The following PCDH9 variants were observed in gnomAD, a reference collection of about 807,000 sequenced individuals.
PCDH9 encodes protocadherin-9.
A neutral mutation model predicts 70.6 loss-of-function variants in PCDH9; 24 were observed. The ratio of observed to expected loss-of-function variants is 0.34; its 90% CI spans 0.25 to 0.48. The LOEUF (loss-of-function observed/expected upper bound fraction) is 0.48. PCDH9 is among the 20% of genes least tolerant of loss of function. The pLI is 0.99. For synonymous variants in PCDH9, 562 were observed against 558.5 expected, an observed-to-expected ratio of 1.01 and a Z score of -0.09; for missense variants, 1,281 against 1,503.6, an observed-to-expected ratio of 0.85 and a Z score of 2.45.
chr13:66,698,089 AG>A (rs1231068152), intron 3 of PCDH9, among the ~76,000 whole-genome samples: 3 of 152,196 alleles, frequency 2.0e-5, no homozygotes, highest in Admixed American at 2.0e-4. Context: ...TCATAGAGAT[AG>A]AAAATAGAAT....
intron 3 of PCDH9, among the ~76,000 whole-genome samples, chr13:66,819,338 C>A (rs1022658921): frequency 1.6e-3 from 215 of 131,906 alleles, no homozygotes; most frequent in Admixed American, 3.4e-3. Context: ...AAAAAAAAAA[C>A]CTTTCAAAAG....
In PCDH9 at chr13:67,227,972, T is replaced by G; in HGVS notation, c.469A>C (p.Ile157Leu). Residue 157 changes from isoleucine (I) to leucine (L), a missense_variant, in exon 2 of 5, where the codon ATC (isoleucine) becomes CTC (leucine). Ile to Leu is a conservative substitution (Grantham distance 5). This residue lies in a region of PCDH9 where 798 missense variants were observed against 1,003.1 expected (regional missense o/e 0.80). Coordinates refer to ENST00000377865, the MANE Select transcript of PCDH9 (RefSeq NM_203487.3). The surrounding 1 kb of genome is among the most constrained non-coding windows in gnomAD (Gnocchi z 4.6). ...INISIPENTLINSRFPIPSAT... is the reference protein window; with the variant it reads ...INISIPENTLLNSRFPIPSAT... ...GATGGAATTGGAAAGCGGCTGTTGA[T>G]CAAAGTGTTTTCTGGAATGGAAATA... 6.2e-7 allele frequency: 1 copy of G among 1,614,142 alleles called. No individual in the cohort carries two copies. The highest frequency in any genetic ancestry group is 8.5e-7 in the Non-Finnish European group (1 of 1,180,022).
intron 4 of PCDH9, among the ~76,000 whole-genome samples, chr13:66,478,570 G>A (rs933353600): frequency 1.3e-5 from 2 of 152,176 alleles, no homozygotes; most frequent in Non-Finnish European, 1.5e-5. Context: ...TTTAAAAACT[G>A]AAACAGGCCT....
intron 2 of PCDH9, among the ~76,000 whole-genome samples, chr13:66,924,335 C>T (rs1033950019): frequency 3.4e-4 from 52 of 151,672 alleles, no homozygotes; most frequent in African/African-American, 1.2e-3. Context: ...TTAAAATATT[C>T]CTATTTTAAA....
At chr13:66,717,480 A>AATATATATATATATATATATAT (rs1169570608) in intron 3 of PCDH9, among the ~76,000 whole-genome samples, 2 of 44,434 alleles carry the variant, frequency 4.5e-5, no homozygotes, top group African/African-American at 1.8e-4. Context: ...AAAAAAAAAA[A>AATATATATATATATATATATAT]ATATATATAT....
intron 3 of PCDH9, among the ~76,000 whole-genome samples, chr13:66,724,202 A>G (rs1326106453): frequency 1.3e-5 from 2 of 152,214 alleles, no homozygotes; most frequent in African/African-American, 4.8e-5. Flanking sequence ...GTCTGTACAC[A>G]ATTCATTTGA....
chr13:66,808,895 T>C (rs763254458), intron 3 of PCDH9, among the ~76,000 whole-genome samples: 2 of 152,180 alleles, frequency 1.3e-5, no homozygotes, highest in Non-Finnish European at 2.9e-5. Flanking sequence ...GTATGTACAT[T>C]ATATTTTGAG....
At chr13:66,451,011 C>T (rs540019258) in intron 4 of PCDH9, among the ~76,000 whole-genome samples, 74 of 152,100 alleles carry the variant, frequency 4.9e-4, no homozygotes, top group African/African-American at 1.5e-3. Context: ...AGCAAGACTC[C>T]GTCTCAAAAA....
chr13:67,192,766 T>C (rs1054853645), intron 2 of PCDH9, among the ~76,000 whole-genome samples: 3 of 152,172 alleles, frequency 2.0e-5, no homozygotes, highest in Admixed American at 6.5e-5. Flanking sequence ...AGAGGGATAG[T>C]CCTTTCTTTA....
chr13:67,026,134 T>C (rs770920592), intron 2 of PCDH9, among the ~76,000 whole-genome samples: 3 of 152,194 alleles, frequency 2.0e-5, no homozygotes, highest in African/African-American at 4.8e-5. Flanking sequence ...TCTGTTTATA[T>C]GCTGGATTAC....
chr13:66,676,537 G>A (rs2078245462), intron 3 of PCDH9, among the ~76,000 whole-genome samples: 1 of 152,096 alleles, frequency 6.6e-6, no homozygotes, highest in East Asian at 1.9e-4. Context: ...AAGTTGTAGA[G>A]AGGCTACAAA....
intron 4 of PCDH9, among the ~76,000 whole-genome samples, chr13:66,472,700 A>G (rs1958643331): frequency 6.6e-6 from 1 of 152,150 alleles, no homozygotes; most frequent in Non-Finnish European, 1.5e-5. Context: ...CATCTTTGAA[A>G]ATCGTTTTTT....
At chr13:66,952,241 T>C (rs1256425298) in intron 2 of PCDH9, among the ~76,000 whole-genome samples, 1 of 152,158 alleles carries the variant, frequency 6.6e-6, no homozygotes, top group Non-Finnish European at 1.5e-5. Context: ...GGGTAGTAAT[T>C]GATACAAGTC....
In PCDH9 at chr13:66,869,904, A is replaced by G. The variant is rs537821354; in HGVS notation, c.3138+33600T>C. Among the ~76,000 whole-genome samples the G allele has an allele frequency of 2.6e-5, 4 of 152,290 alleles. No homozygotes were observed. The South Asian group carries it at 8.3e-4, about 32-fold the overall frequency. On this transcript the variant is annotated intron_variant, in intron 3 of 4. Transcript: ENST00000377865. ...AAGAAGAGAAGTGAAGGTAAGAATG[A>G]GTCCACAGAGAGCAATCAAAATCAA... is the stretch of plus-strand genomic sequence containing the variant.
intron 4 of PCDH9, among the ~76,000 whole-genome samples, chr13:66,308,544 C>T (rs1452394155): frequency 1.3e-5 from 2 of 151,968 alleles, no homozygotes; most frequent in Non-Finnish European, 2.9e-5. Flanking sequence ...TGTTGGAGCT[C>T]TAAATGGGAG....
At chr13:67,155,949 A>T (rs1254039438) in intron 2 of PCDH9, among the ~76,000 whole-genome samples, 2 of 151,754 alleles carry the variant, frequency 1.3e-5, no homozygotes, top group East Asian at 3.9e-4. Context: ...TGGAACGTTC[A>T]CCTCCCTGAT....
intron 4 of PCDH9, among the ~76,000 whole-genome samples, chr13:66,625,765 A>T (rs574516411): frequency 2.0e-5 from 3 of 150,532 alleles, no homozygotes; most frequent in Non-Finnish European, 4.4e-5. Context: ...GGTTCAAGTG[A>T]TTCTAGTGCC....
intron 4 of PCDH9, among the ~76,000 whole-genome samples, chr13:66,409,926 C>A (rs1351437344): frequency 6.6e-6 from 1 of 152,130 alleles, no homozygotes; most frequent in Non-Finnish European, 1.5e-5. Context: ...CCTGGCAATC[C>A]TATTTTAAGG....
chr13:66,328,274 A>G (rs1955880506), intron 4 of PCDH9, among the ~76,000 whole-genome samples: 1 of 152,118 alleles, frequency 6.6e-6, no homozygotes, highest in South Asian at 2.1e-4. Flanking sequence ...TCAAACCAGG[A>G]ATATTTTTCA....
Sources: gnomAD v4.1 joint callset for allele counts (sites outside exome capture counted in the v4.1 genomes callset) on GRCh38, gnomAD v4.1.1 for gene constraint, gnomAD v4.1.1 regional missense constraint, Gnocchi (gnomAD v3.1) non-coding constraint, MANE v1.5 for transcripts, NCBI Gene and HGNC (gene_info 2026-07-23, HGNC 2026-07-21) for gene names.